The following DCAF8L2 variants were observed in gnomAD, a reference collection of about 807,000 sequenced individuals.
DCAF8L2 encodes the protein DDB1 and CUL4 associated factor 8 like 2.
For missense variants in DCAF8L2, 430 were observed against 490.7 expected, an observed-to-expected ratio of 0.88 and a Z score of 1.17; for synonymous variants, 200 against 190.9, an observed-to-expected ratio of 1.05 and a Z score of -0.39.
intron 1 of DCAF8L2, among the ~76,000 whole-genome samples, chrX:27,594,920 T>C (rs1209430888): frequency 8.9e-6 from 1 of 112,245 alleles, no homozygotes; most frequent in Admixed American, 9.5e-5. Context: ...AAAATACATA[T>C]AGTTTACTAT....
the DCAF8L2 span, among the ~76,000 whole-genome samples, chrX:27,503,019 G>C: frequency 2.7e-5 from 3 of 111,728 alleles, no homozygotes; most frequent in African/African-American, 9.8e-5. Context: ...GAAGAGGGTT[G>C]TGCTCATATC....
At chrX:27,734,813 AT>A (rs961129967) in intron 4 of DCAF8L2, among the ~76,000 whole-genome samples, 15 of 111,764 alleles carry the variant, frequency 1.3e-4, no homozygotes, top group Admixed American at 1.3e-3. Context: ...CTCTAATGAA[AT>A]TCACGAGTGT....
the DCAF8L2 span, among the ~76,000 whole-genome samples, chrX:27,542,733 G>A: frequency 1.9e-5 from 2 of 107,233 alleles, no homozygotes; most frequent in African/African-American, 6.8e-5. Flanking sequence ...TAGTAGAGAC[G>A]GGGTTTCACC....
At chrX:27,515,143 A>G in the DCAF8L2 span, among the ~76,000 whole-genome samples, 1 of 112,045 alleles carries the variant, frequency 8.9e-6, no homozygotes, top group South Asian at 3.7e-4. Context: ...TACACCATAA[A>G]TATTTACAAT....
chrX:27,495,455 A>T, the DCAF8L2 span, among the ~76,000 whole-genome samples: 1 of 112,055 alleles, frequency 8.9e-6, no homozygotes, highest in Non-Finnish European at 1.9e-5. Context: ...TGAGGCTGAG[A>T]TTTTAATAGC....
At chrX:27,502,331 AAAAAATATATATATATATATAT>A in the DCAF8L2 span, among the ~76,000 whole-genome samples, 39 of 29,596 alleles carry the variant, frequency 1.3e-3, 2 homozygotes, top group Non-Finnish European at 2.0e-3. Flanking sequence ...AAAAAAAAAA[AAAAAATATATATATATATATAT>A]ATATATATAT....
the DCAF8L2 span, among the ~76,000 whole-genome samples, chrX:27,526,530 A>G: frequency 8.9e-6 from 1 of 112,597 alleles, no homozygotes; most frequent in Non-Finnish European, 1.9e-5. Flanking sequence ...CAACTCGTCA[A>G]AGTCATTCTC....
intron 2 of DCAF8L2, among the ~76,000 whole-genome samples, chrX:27,647,173 T>C (rs1170701079): frequency 9.0e-6 from 1 of 111,683 alleles, no homozygotes; most frequent in East Asian, 2.8e-4. Flanking sequence ...TGCCCATCAG[T>C]GAAAGACTGG....
chrX:27,635,786 CGT>C (rs754830405), intron 2 of DCAF8L2, among the ~76,000 whole-genome samples: 6,917 of 90,102 alleles, frequency 0.077, 356 homozygotes, highest in African/African-American at 0.17. Flanking sequence ...TTTCCTTTTA[CGT>C]GTGTGTGTGT....
At chrX:27,668,347 G>T (rs1416134281) in intron 2 of DCAF8L2, among the ~76,000 whole-genome samples, 1 of 111,687 alleles carries the variant, frequency 9.0e-6, no homozygotes, top group Non-Finnish European at 1.9e-5. Flanking sequence ...GGCAGTCTTT[G>T]TAAGGGAAAT....
At chrX:27,629,194 C>A (rs1928181582) in intron 1 of DCAF8L2, among the ~76,000 whole-genome samples, 1 of 111,115 alleles carries the variant, frequency 9.0e-6, no homozygotes, top group Non-Finnish European at 1.9e-5. Flanking sequence ...TGTTTCTGTG[C>A]AGAAGCTTTT....
At chrX:27,519,024 A>G in the DCAF8L2 span, 1 of 894,396 alleles carries the variant, frequency 1.1e-6, no homozygotes, top group East Asian at 3.1e-5. Context: ...ACCATGAACT[A>G]TACATGCGAA....
At chrX:27,545,757 C>A in the DCAF8L2 span, among the ~76,000 whole-genome samples, 1 of 111,563 alleles carries the variant, frequency 9.0e-6, no homozygotes, top group African/African-American at 3.3e-5. Context: ...GCTGGGGAAG[C>A]CTCAGGAAAC....
the DCAF8L2 span, among the ~76,000 whole-genome samples, chrX:27,554,353 AG>A: frequency 8.9e-6 from 1 of 112,056 alleles, no homozygotes; most frequent in Non-Finnish European, 1.9e-5. Flanking sequence ...TACCATAAAC[AG>A]AGCTTCAGAA....
rs755584129 is a variant in DCAF8L2 at position 27,696,232 on chromosome X, TGAAA to T, written c.-143+18332_-143+18335del. ...AAAAAGAAGAAAAAGAAAGAAAGAATGAAAGAAAGAAAGAAGGAAGGAAGGAAGA... is the reference window on the plus strand; with the variant it reads ...AAAAAGAAGAAAAAGAAAGAAAGAATGAAAGAAAGAAGGAAGGAAGGAAGA... On this transcript the variant is annotated intron_variant, in intron 3 of 4. Transcript: ENST00000451261. Among the ~76,000 whole-genome samples, 305 of 37,125 alleles carry T rather than the reference TGAAA, an allele frequency of 8.2e-3. 3 individuals are homozygous for T. Among genetic ancestry groups the T allele is most frequent in the African/African-American group, 0.029 (268 of 9,399 alleles). 32.2% of individuals were successfully genotyped at this position (37,125 alleles called of 115,157 possible).
chrX:27,666,128 G>T (rs5971209), intron 2 of DCAF8L2, among the ~76,000 whole-genome samples: 16,727 of 111,039 alleles, frequency 0.15, 1,526 homozygotes, highest in East Asian at 0.38. Context: ...GTGTTCTGAC[G>T]TTAATTTCCT....
chrX:27,596,316 C>T (rs1926356867), intron 1 of DCAF8L2, among the ~76,000 whole-genome samples: 1 of 111,273 alleles, frequency 9.0e-6, no homozygotes, highest in Admixed American at 9.6e-5. Flanking sequence ...GAGCAATATT[C>T]TAGAGAAATT....
chrX:27,559,256 G>T, the DCAF8L2 span, among the ~76,000 whole-genome samples: 1 of 111,920 alleles, frequency 8.9e-6, no homozygotes, highest in Non-Finnish European at 1.9e-5. Context: ...GCTGTAAAGA[G>T]ATGGTCAGTC....
chrX:27,561,806 T>G, the DCAF8L2 span, among the ~76,000 whole-genome samples: 1 of 111,908 alleles, frequency 8.9e-6, no homozygotes, highest in Non-Finnish European at 1.9e-5. Context: ...CACATTTTAT[T>G]TATCCATTCA....
Sources: gnomAD v4.1 joint callset for allele counts (sites outside exome capture counted in the v4.1 genomes callset) on GRCh38, gnomAD v4.1.1 for gene constraint, MANE v1.5 for transcripts, NCBI Gene and HGNC (gene_info 2026-07-23, HGNC 2026-07-21) for gene names.